HELZ: variants seen among roughly 807,000 people sequenced by gnomAD.
HELZ encodes helicase with zinc finger, also known as ATP-dependent RNA helicase with zinc finger domain.
Under a neutral mutation model 218.2 loss-of-function variants are expected in HELZ, and 23 were observed. The observed-to-expected ratio is 0.11, with a 90% CI of 0.08 to 0.15. HELZ has a LOEUF of 0.15. Ranked by LOEUF, HELZ falls within the 10% of genes least tolerant of loss-of-function variation. The pLI is 1.00. For synonymous variants in HELZ, 814 were observed against 829.4 expected, an observed-to-expected ratio of 0.98 and a Z score of 0.32; for missense variants, 1,813 against 2,353.7, an observed-to-expected ratio of 0.77 and a Z score of 4.75.
chr17:67,156,977 T>A (rs147960899), intron 17 of HELZ, among the ~76,000 whole-genome samples: 329 of 152,274 alleles, frequency 2.2e-3, no homozygotes, highest in African/African-American at 7.6e-3. Context: ...CCCTTGATGA[T>A]AAGTAAGCTT....
chr17:67,105,541 T>G (rs1231818306), intron 31 of HELZ, among the ~76,000 whole-genome samples: 1 of 152,242 alleles, frequency 6.6e-6, no homozygotes, highest in Non-Finnish European at 1.5e-5. Context: ...TAGTGATGAC[T>G]GTATAACATT....
intron 3 of HELZ, among the ~76,000 whole-genome samples, chr17:67,226,026 C>G (rs1170830192): frequency 6.6e-6 from 1 of 152,058 alleles, no homozygotes; most frequent in African/African-American, 2.4e-5. Flanking sequence ...CTTTGGGAGG[C>G]TGAGGCGAGT....
chr17:67,178,963 GAACATTAAAATTTTTAAAT>G, intron 12 of HELZ, 37 bp from the exon 13 acceptor site: 1 of 1,420,308 alleles, frequency 7.0e-7, no homozygotes, highest in Non-Finnish European at 9.6e-7. Flanking sequence ...TAAAGAAACA[GAACATTAAAATTTTTAAAT>G]AACATTAAAA....
At chr17:67,214,557 C>T (rs144198984) in intron 5 of HELZ, among the ~76,000 whole-genome samples, 1,640 of 151,592 alleles carry the variant, frequency 0.011, 20 homozygotes, top group South Asian at 0.018. Flanking sequence ...TGAGCCACCA[C>T]GCCCGGCCTA....
intron 17 of HELZ, among the ~76,000 whole-genome samples, chr17:67,152,866 A>G (rs1386982246): frequency 6.6e-6 from 1 of 152,050 alleles, no homozygotes; most frequent in African/African-American, 2.4e-5. Context: ...GAGCAAAGAA[A>G]TAGGAGAGAA....
chr17:67,203,887 C>T (rs2040232081), intron 5 of HELZ, among the ~76,000 whole-genome samples: 1 of 152,172 alleles, frequency 6.6e-6, no homozygotes, highest in Non-Finnish European at 1.5e-5. Context: ...TAGTCTTTAT[C>T]AAATCCAACA....
chr17:67,168,584 A>C (rs1013069043), intron 13 of HELZ, among the ~76,000 whole-genome samples: 17 of 152,216 alleles, frequency 1.1e-4, no homozygotes, highest in African/African-American at 3.4e-4. Context: ...GCCATAAAAT[A>C]TCTCTTTCAA....
chr17:67,197,187 GAGTA>G (rs2040053490), intron 7 of HELZ, among the ~76,000 whole-genome samples: 1 of 152,078 alleles, frequency 6.6e-6, no homozygotes, highest in South Asian at 2.1e-4. Context: ...TTGTGGTAGT[GAGTA>G]AGTCTGATAA....
intron 13 of HELZ, chr17:67,172,981 AG>A: frequency 1.2e-6 from 1 of 805,108 alleles, no homozygotes; most frequent in Non-Finnish European, 1.5e-6. Context: ...ACAATTTAGC[AG>A]GCATGAAAAG....
At chr17:67,172,605 T>G (rs1281299611) in intron 13 of HELZ, among the ~76,000 whole-genome samples, 6 of 152,096 alleles carry the variant, frequency 3.9e-5, no homozygotes, top group African/African-American at 7.2e-5. Flanking sequence ...TTTTTAATAG[T>G]TTTTTGTTTT....
chr17:67,135,835 TG>T, intron 23 of HELZ, 134 bp downstream of exon 23: 1 of 659,870 alleles, frequency 1.5e-6, no homozygotes, highest in South Asian at 2.0e-5. Flanking sequence ...AATATGCTTT[TG>T]TGTTCCCACT....
intron 31 of HELZ, among the ~76,000 whole-genome samples, chr17:67,104,940 G>A (rs1483110095): frequency 2.0e-5 from 3 of 152,084 alleles, no homozygotes; most frequent in African/African-American, 7.2e-5. Context: ...CCAATATCGT[G>A]AAACCCCGTC....
intron 5 of HELZ, chr17:67,215,639 A>T: frequency 2.2e-6 from 1 of 459,736 alleles, no homozygotes; most frequent in Non-Finnish European, 4.1e-6. Flanking sequence ...GAGCCACCAC[A>T]CCCGGCCTCA....
chr17:67,097,254 G>C (rs1048513593), intron 31 of HELZ, among the ~76,000 whole-genome samples: 10 of 152,182 alleles, frequency 6.6e-5, no homozygotes, highest in African/African-American at 2.2e-4. Context: ...AATACTGTGA[G>C]AATTGTCAAA....
At chr17:67,220,802 C>T (rs914801625) in intron 3 of HELZ, among the ~76,000 whole-genome samples, 4 of 149,854 alleles carry the variant, frequency 2.7e-5, no homozygotes, top group Admixed American at 6.7e-5. Flanking sequence ...TAAACTAACA[C>T]TTTTAATATA....
At chr17:67,142,626 G>A (rs2038363655) in intron 21 of HELZ, among the ~76,000 whole-genome samples, 1 of 151,816 alleles carries the variant, frequency 6.6e-6, no homozygotes, top group African/African-American at 2.4e-5. Context: ...CAAGATGAAA[G>A]TAAAATAATA....
rs1189959030 is a variant in HELZ, at chr17:67,077,659, C to T, written c.*593G>A. On this transcript the variant is annotated 3_prime_UTR_variant, in exon 33 of 33. Coordinates refer to ENST00000358691, the MANE Select transcript of HELZ (RefSeq NM_014877.4). The stretch of plus-strand genomic sequence containing the variant: ...TCTATCCTATGGTGGATGGAGATTA[C>T]AACAACACATCATACATAGTCTAAA... The T allele has an allele frequency of 7.1e-6, 1 of 141,826 alleles. No individual in the cohort carries two copies. 8.8% of individuals were successfully genotyped at this position (141,826 alleles called of 1,614,324 possible).
intron 4 of HELZ, among the ~76,000 whole-genome samples, chr17:67,217,061 C>T (rs1388401186): frequency 6.6e-6 from 1 of 152,132 alleles, no homozygotes; most frequent in Admixed American, 6.6e-5. Context: ...TTCAATGAAT[C>T]TCTCTCCCAA....
chr17:67,089,674 G>T (rs375294270), intron 31 of HELZ, among the ~76,000 whole-genome samples: 1,292 of 72,290 alleles, frequency 0.018, 12 homozygotes, highest in South Asian at 0.029. Context: ...TATATAGAGA[G>T]AGAGAGAGAG....
Sources: gnomAD v4.1 joint callset for allele counts (sites outside exome capture counted in the v4.1 genomes callset) on GRCh38, gnomAD v4.1.1 for gene constraint, MANE v1.5 for transcripts, NCBI Gene and HGNC (gene_info 2026-07-23, HGNC 2026-07-21) for gene names.